Variants in LAMA3 observed in about 807,000 individuals in gnomAD.
LAMA3 encodes laminin subunit alpha-3.
LAMA3 carries 281 observed loss-of-function variants against 402.0 expected under a neutral mutation model. That is an observed-to-expected ratio of 0.70 (90% CI 0.63 to 0.77). LAMA3 has a LOEUF of 0.77. Ranked by LOEUF, LAMA3 falls within the 30% of genes least tolerant of loss-of-function variation. The probability of loss-of-function intolerance (pLI) is 0.00; values close to 1 mark genes in which losing one functional copy is unlikely to be tolerated. For synonymous variants in LAMA3, 1,431 were observed against 1,558.4 expected (o/e 0.92, Z 1.93); for missense variants, 3,840 against 4,215.5 (o/e 0.91, Z 2.47).
chr18:23,846,214 G>A, intron 30 of LAMA3, 83 bp from the exon 31 acceptor site: 2 of 1,280,992 alleles, frequency 1.6e-6, no homozygotes, highest in Non-Finnish European at 1.1e-6. Flanking sequence ...GCTGCTGGGT[G>A]GAGCAGGTGG....
Position 23,848,461 on chromosome 18 carries a change from TAGA to T in LAMA3, c.4136+796_4136+798del, listed in dbSNP as rs2063872073. On this transcript the variant is annotated intron_variant, in intron 32 of 74. Coordinates refer to ENST00000313654, the MANE Select transcript of LAMA3 (RefSeq NM_198129.4). ...GGGGCCAGAGAAAGCGTATGGCTCCTAGAAGGAGAGACTGGTAAGAATTAGATC... is the reference window on the plus strand; with the variant it reads ...GGGGCCAGAGAAAGCGTATGGCTCCTAGGAGAGACTGGTAAGAATTAGATC... Among the ~76,000 whole-genome samples the T allele has an allele frequency of 2.0e-5, 3 of 152,172 alleles. No homozygotes were observed. The South Asian group carries it at 6.2e-4, about 31-fold the overall frequency.
At chr18:23,914,356 G>A in intron 56 of LAMA3, 54 bp from the exon 57 acceptor site, 1 of 1,599,992 alleles carries the variant, frequency 6.3e-7, no homozygotes. Context: ...CTCTTGGGAT[G>A]GGAATTTGAG....
chr18:23,857,603 A>T (rs1166835195), intron 32 of LAMA3, among the ~76,000 whole-genome samples: 2 of 152,168 alleles, frequency 1.3e-5, no homozygotes, highest in Admixed American at 1.3e-4. Context: ...CTCAACACCT[A>T]GTGCTAAGCC....
chr18:23,811,015 C>T (rs1476079446), intron 13 of LAMA3, among the ~76,000 whole-genome samples: 1 of 152,146 alleles, frequency 6.6e-6, no homozygotes, highest in South Asian at 2.1e-4. Flanking sequence ...ACCGTGTCAT[C>T]GTACTTCAGC....
chr18:23,945,900 T>A (rs1228585255), intron 69 of LAMA3, among the ~76,000 whole-genome samples: 1 of 152,196 alleles, frequency 6.6e-6, no homozygotes, highest in Non-Finnish European at 1.5e-5. Context: ...CTCTTTTGAT[T>A]AGTTCACTTC....
At chr18:23,865,441 T>C (rs2064332422) in intron 36 of LAMA3, among the ~76,000 whole-genome samples, 1 of 152,222 alleles carries the variant, frequency 6.6e-6, no homozygotes, top group South Asian at 2.1e-4. Flanking sequence ...CAGCCACATA[T>C]TAAGCATTTT....
intron 36 of LAMA3, among the ~76,000 whole-genome samples, chr18:23,865,923 C>T (rs1365290856): frequency 2.0e-5 from 3 of 152,144 alleles, no homozygotes; most frequent in Admixed American, 6.5e-5. Context: ...TAGTCTGCCT[C>T]CCTGGTTCAA....
intron 61 of LAMA3, 26 bp downstream of exon 61, chr18:23,921,080 G>C (rs374738069): frequency 6.2e-7 from 1 of 1,612,800 alleles, no homozygotes; most frequent in Non-Finnish European, 8.5e-7. Context: ...CTGTTTACTT[G>C]AATCGTTAAA....
At chr18:23,878,899 C>A (rs993373027) in intron 39 of LAMA3, among the ~76,000 whole-genome samples, 3 of 152,032 alleles carry the variant, frequency 2.0e-5, no homozygotes, top group East Asian at 3.9e-4. Flanking sequence ...GAGGGACCTG[C>A]GATGATGGCC....
intron 1 of LAMA3, chr18:23,710,105 C>T (rs1598622371): frequency 4.2e-6 from 3 of 720,702 alleles, no homozygotes; most frequent in South Asian, 1.4e-5. Flanking sequence ...GGCGCTCTGC[C>T]GAGGATATTT....
At chr18:23,892,056 T>C (rs921158176) in intron 42 of LAMA3, among the ~76,000 whole-genome samples, 3 of 152,166 alleles carry the variant, frequency 2.0e-5, no homozygotes, top group African/African-American at 4.8e-5. Context: ...CTCTGAGACA[T>C]AAGGGACAGA....
At chr18:23,876,778 G>C (rs188473528) in intron 39 of LAMA3, among the ~76,000 whole-genome samples, 3 of 152,182 alleles carry the variant, frequency 2.0e-5, no homozygotes, top group Non-Finnish European at 4.4e-5. Flanking sequence ...CAGGAGTGGG[G>C]CTTGTTGCTG....
At chr18:23,823,835 AAAAC>A (rs1473421037) in intron 20 of LAMA3, among the ~76,000 whole-genome samples, 1 of 152,230 alleles carries the variant, frequency 6.6e-6, no homozygotes, top group Admixed American at 6.5e-5. Flanking sequence ...TTTTTTCCTG[AAAAC>A]AAACAAACGG....
intron 69 of LAMA3, among the ~76,000 whole-genome samples, chr18:23,944,426 G>A (rs937257842): frequency 6.6e-6 from 1 of 152,144 alleles, no homozygotes; most frequent in Admixed American, 6.5e-5. Flanking sequence ...TGAGGCAACT[G>A]GACTTCAGAA....
At chr18:23,758,373 A>G in intron 6 of LAMA3, 23 bp from the exon 7 acceptor site, 1 of 1,583,482 alleles carries the variant, frequency 6.3e-7, no homozygotes, top group East Asian at 2.2e-5. Flanking sequence ...AATAACTGAG[A>G]TGCACTTCGC....
At chr18:23,806,744 G>A (rs1360626929) in intron 12 of LAMA3, among the ~76,000 whole-genome samples, 1 of 152,138 alleles carries the variant, frequency 6.6e-6, no homozygotes, top group Non-Finnish European at 1.5e-5. Flanking sequence ...TTCAGACCTC[G>A]CAGGATGAAG....
chr18:23,741,314 A>G (rs570502587), intron 2 of LAMA3, among the ~76,000 whole-genome samples: 1 of 152,014 alleles, frequency 6.6e-6, no homozygotes, highest in South Asian at 2.1e-4. Context: ...TTGCTGAACT[A>G]TTGGCAGATG....
At chr18:23,807,980 A>G (rs2062995836) in intron 12 of LAMA3, among the ~76,000 whole-genome samples, 1 of 152,224 alleles carries the variant, frequency 6.6e-6, no homozygotes, top group Non-Finnish European at 1.5e-5. Flanking sequence ...TGGAAATGGC[A>G]GTAGGAGATC....
chr18:23,766,194 T>C (rs2062071678), intron 8 of LAMA3, among the ~76,000 whole-genome samples: 1 of 151,996 alleles, frequency 6.6e-6, no homozygotes, highest in African/African-American at 2.4e-5. Context: ...AAAGTGAAAA[T>C]CTTGAAAGTA....
Sources: gnomAD v4.1 joint callset for allele counts (sites outside exome capture counted in the v4.1 genomes callset) on GRCh38, gnomAD v4.1.1 for gene constraint, MANE v1.5 for transcripts, NCBI Gene and HGNC (gene_info 2026-07-23, HGNC 2026-07-21) for gene names.